Variants in CHRM5 observed in about 807,000 individuals in gnomAD.
CHRM5 encodes muscarinic acetylcholine receptor M5.
CHRM5 carries 18 observed loss-of-function variants against 39.0 expected under a neutral mutation model. That is an observed-to-expected ratio of 0.46 (90% CI 0.32 to 0.68). The LOEUF (loss-of-function observed/expected upper bound fraction) is 0.68, where lower values mean the gene tolerates loss of function less well. Among genes scored for constraint, CHRM5 ranks in the 30% least tolerant of loss-of-function variants. The pLI, the probability that CHRM5 is intolerant of heterozygous loss-of-function variation, is 0.04. For synonymous variants in CHRM5, 241 were observed against 246.3 expected (o/e 0.98, Z 0.20); for missense variants, 515 against 651.1 (o/e 0.79, Z 2.28).
chr15:33,975,801 A>C (rs1179558618), intron 1 of CHRM5, among the ~76,000 whole-genome samples: 1 of 152,108 alleles, frequency 6.6e-6, no homozygotes, highest in Non-Finnish European at 1.5e-5. Context: ...GTGGTGGCAC[A>C]TGCCTGTAGT....
At chr15:34,038,649 C>G (rs1159590850) in intron 1 of CHRM5, 1 of 845,568 alleles carries the variant, frequency 1.2e-6, no homozygotes, top group Non-Finnish European at 1.5e-6. Flanking sequence ...CCGCCCGTCC[C>G]GCGCAGGCGC....
rs1463972876 is a variant in CHRM5 at position 34,039,244 on chromosome 15, G to T, written c.-407-7296G>T. The T allele has an allele frequency of 1.4e-5, 4 of 280,338 alleles. No individual in the cohort carries two copies. In the East Asian group the frequency reaches 6.2e-4, roughly 44 times the overall value. The allele number at this position is 280,338 out of a possible 1,614,324, so 17.4% of individuals were successfully genotyped here. ...CGGGGCGGCCGGCGTCCCGCAGGTG[G>T]GGCCGGAACCGGGACCGCGGGAAGG... On this transcript the variant is annotated intron_variant, in intron 1 of 2. Coordinates refer to ENST00000383263, the MANE Select transcript of CHRM5 (RefSeq NM_012125.4).
chr15:34,066,363 G>A lies in CHRM5; in HGVS notation c.*2047G>A, dbSNP rs1597397622. On this transcript the variant is annotated 3_prime_UTR_variant, in exon 3 of 3. Coordinates refer to ENST00000383263, the MANE Select transcript of CHRM5 (RefSeq NM_012125.4). Reference sequence around the variant, plus strand: ...GAGAATAGGCTTTTAAGCCCATGTTGGGCATTCACCATTCGCAGTTGAGAG... The same window carrying A: ...GAGAATAGGCTTTTAAGCCCATGTTAGGCATTCACCATTCGCAGTTGAGAG... 1 of 152,232 alleles carries A rather than the reference G, an allele frequency of 6.6e-6. No individual in the cohort carries two copies. The highest frequency in any genetic ancestry group is 1.9e-4 in the East Asian group (1 of 5,204). The allele number at this position is 152,232 out of a possible 1,614,324, so 9.4% of individuals were successfully genotyped here. A position where few individuals can be genotyped will look rare whatever the true frequency, so the allele number is the denominator to read the frequency against.
At chr15:33,986,624 A>C (rs984829927) in intron 1 of CHRM5, among the ~76,000 whole-genome samples, 3 of 152,126 alleles carry the variant, frequency 2.0e-5, no homozygotes, top group Non-Finnish European at 2.9e-5. Context: ...ACAGGATATA[A>C]TAGATCATGA....
At chr15:33,989,107 A>G (rs1179142471) in intron 1 of CHRM5, among the ~76,000 whole-genome samples, 1 of 152,106 alleles carries the variant, frequency 6.6e-6, no homozygotes, top group Admixed American at 6.5e-5. Flanking sequence ...TATCACCTCT[A>G]TAGTTGCAGA....
chr15:34,061,827 G>GGAGA (rs1171977483), intron 2 of CHRM5, among the ~76,000 whole-genome samples: 2 of 152,196 alleles, frequency 1.3e-5, no homozygotes, highest in Non-Finnish European at 2.9e-5. Flanking sequence ...ATTAGGGCAA[G>GGAGA]GAGAGGTGGT....
At chr15:33,972,417 T>C (rs950860385) in intron 1 of CHRM5, 2 of 151,962 alleles carry the variant, frequency 1.3e-5, no homozygotes, top group African/African-American at 4.8e-5. Flanking sequence ...TCCCATGACA[T>C]AGATTAATTA....
Position 34,046,579 on chromosome 15 carries a change from T to C in CHRM5, c.-368T>C, listed in dbSNP as rs747834678. On this transcript the variant is annotated 5_prime_UTR_variant, in exon 2 of 3. An upstream start codon of the reference 5' UTR is lost. Transcript: ENST00000383263. Reference sequence around the variant, plus strand: ...ATTCTCAGCCTTGCAACTTAAAATATGGTACATGGATCAGTAGCATCAAGA... The same window carrying C: ...ATTCTCAGCCTTGCAACTTAAAATACGGTACATGGATCAGTAGCATCAAGA... 2.0e-5 allele frequency: 3 copies of C among 152,228 alleles called. No homozygotes were observed. The highest frequency in any genetic ancestry group is 4.4e-5 in the Non-Finnish European group (3 of 68,038). The allele number at this position is 152,228 out of a possible 1,614,324, so 9.4% of individuals were successfully genotyped here.
At chr15:33,974,809 A>G (rs1452369232) in intron 1 of CHRM5, among the ~76,000 whole-genome samples, 1 of 152,022 alleles carries the variant, frequency 6.6e-6, no homozygotes, top group East Asian at 1.9e-4. Context: ...CCCGTTTCTA[A>G]TAAAAATACA....
In CHRM5 at chr15:34,066,124, T is replaced by A. The variant is rs541098; in HGVS notation, c.*1808T>A. 1.3e-5 allele frequency: 2 copies of A among 152,122 alleles called. No homozygotes were observed. The highest frequency in any genetic ancestry group is 4.8e-5 in the African/African-American group (2 of 41,406). The allele number at this position is 152,122 out of a possible 1,614,324, so 9.4% of individuals were successfully genotyped here. The stretch of plus-strand genomic sequence containing the variant: ...TTGACATGAAACATCTTGTAAGCAG[T>A]GCATCTGCTGAGCCTTTGTAAAGGG... On this transcript the variant is annotated 3_prime_UTR_variant, in exon 3 of 3. Coordinates refer to ENST00000383263, the MANE Select transcript of CHRM5 (RefSeq NM_012125.4).
chr15:34,037,039 G>A (rs956003399), intron 1 of CHRM5, among the ~76,000 whole-genome samples: 1 of 151,980 alleles, frequency 6.6e-6, no homozygotes, highest in South Asian at 2.1e-4. Context: ...AACCCGGGAG[G>A]CGGAGGTTGC....
At chr15:34,003,271 C>T in intron 1 of CHRM5, 1 of 1,475,798 alleles carries the variant, frequency 6.8e-7, no homozygotes, top group Non-Finnish European at 9.3e-7. Context: ...AGTAGACTTC[C>T]CAGTAAAACA....
chr15:34,014,277 T>C (rs1424492196), intron 1 of CHRM5, among the ~76,000 whole-genome samples: 1 of 149,134 alleles, frequency 6.7e-6, no homozygotes, highest in African/African-American at 2.5e-5. Context: ...GGCAGGAGGA[T>C]TGCTTGAACC....
chr15:34,040,615 T>C (rs945157551), intron 1 of CHRM5, among the ~76,000 whole-genome samples: 1 of 152,198 alleles, frequency 6.6e-6, no homozygotes, highest in Non-Finnish European at 1.5e-5. Context: ...CTAAAACAGA[T>C]GTTAAGTAAC....
chr15:33,995,757 G>A (rs1896905689), intron 1 of CHRM5, among the ~76,000 whole-genome samples: 1 of 152,252 alleles, frequency 6.6e-6, no homozygotes, highest in Non-Finnish European at 1.5e-5. Context: ...GCAGCTCCCA[G>A]CGTGATCAAT....
intron 1 of CHRM5, among the ~76,000 whole-genome samples, chr15:34,021,307 C>T (rs1597360685): frequency 1.3e-5 from 2 of 150,552 alleles, no homozygotes; most frequent in African/African-American, 2.4e-5. Flanking sequence ...TTTTTTGAGA[C>T]GGAGTTTCAC....
At chr15:34,018,148 T>A (rs2140700464) in intron 1 of CHRM5, 1 of 152,362 alleles carries the variant, frequency 6.6e-6, no homozygotes, top group African/African-American at 2.4e-5. Flanking sequence ...AGCAGGTCCT[T>A]CAGGAGCTAT....
intron 1 of CHRM5, among the ~76,000 whole-genome samples, chr15:34,041,775 A>C (rs1394066231): frequency 6.6e-6 from 1 of 152,180 alleles, no homozygotes; most frequent in Non-Finnish European, 1.5e-5. Context: ...TATTATTCCT[A>C]TTTTACAGAT....
chr15:34,042,211 T>C (rs2140806589), intron 1 of CHRM5, among the ~76,000 whole-genome samples: 1 of 152,302 alleles, frequency 6.6e-6, no homozygotes, highest in South Asian at 2.1e-4. Context: ...TCTTTTCTGG[T>C]ATTGCTTTTG....
Sources: gnomAD v4.1 joint callset for allele counts (sites outside exome capture counted in the v4.1 genomes callset) on GRCh38, gnomAD v4.1.1 for gene constraint, MANE v1.5 for transcripts, NCBI Gene and HGNC (gene_info 2026-07-23, HGNC 2026-07-21) for gene names.